MIX23: variants seen among roughly 807,000 people sequenced by gnomAD.
The protein encoded by MIX23 is mitochondrial matrix import factor 23, also known as protein MIX23.
MIX23 carries 13 observed loss-of-function variants against 21.6 expected under a neutral mutation model. The ratio of observed to expected loss-of-function variants is 0.60; its 90% CI spans 0.39 to 0.96. MIX23 has a LOEUF of 0.96. Ranked by LOEUF, MIX23 falls within the 40% of genes least tolerant of loss-of-function variation. The pLI, the probability that MIX23 is intolerant of heterozygous loss-of-function variation, is 0.00. For missense variants in MIX23, 144 were observed against 171.2 expected, an observed-to-expected ratio of 0.84 and a Z score of 0.89; for synonymous variants, 59 against 58.0, an observed-to-expected ratio of 1.02 and a Z score of -0.08.
At chr3:122,363,772 T>C (rs961006049) in intron 3 of MIX23, among the ~76,000 whole-genome samples, 2 of 152,028 alleles carry the variant, frequency 1.3e-5, no homozygotes, top group East Asian at 1.9e-4. Flanking sequence ...TCTAGCTTTC[T>C]TTATAACTGC....
intron 2 of MIX23, among the ~76,000 whole-genome samples, chr3:122,371,136 G>T (rs939532218): frequency 2.6e-5 from 4 of 152,190 alleles, no homozygotes; most frequent in African/African-American, 9.6e-5. Flanking sequence ...CTAAAAAAGA[G>T]AAATAAAGGG....
intron 4 of MIX23, among the ~76,000 whole-genome samples, chr3:122,360,866 G>A (rs1409508989): frequency 5.3e-5 from 8 of 151,984 alleles, no homozygotes; most frequent in Non-Finnish European, 2.9e-5. Context: ...TTTTTGAGAC[G>A]GAGTTTCGCT....
intron 1 of MIX23, among the ~76,000 whole-genome samples, chr3:122,372,338 A>T (rs931329068): frequency 6.6e-6 from 1 of 152,056 alleles, no homozygotes; most frequent in Admixed American, 6.6e-5. Flanking sequence ...CCCACATATG[A>T]TCAGTGTACT....
At chr3:122,379,247 T>C (rs2075511940) in intron 1 of MIX23, among the ~76,000 whole-genome samples, 1 of 152,120 alleles carries the variant, frequency 6.6e-6, no homozygotes, top group South Asian at 2.1e-4. Flanking sequence ...AAGAAGGAGA[T>C]TCGAATTTTA....
intron 1 of MIX23, among the ~76,000 whole-genome samples, chr3:122,373,673 T>A (rs2075460979): frequency 6.6e-6 from 1 of 152,232 alleles, no homozygotes; most frequent in African/African-American, 2.4e-5. Context: ...TTGTTTCCAA[T>A]TATAAACCAT....
At chr3:122,362,450 T>C (rs1376313514) in intron 4 of MIX23, among the ~76,000 whole-genome samples, 4 of 152,206 alleles carry the variant, frequency 2.6e-5, no homozygotes, top group Admixed American at 2.0e-4. Context: ...AGTTCTATCA[T>C]ATGCTTATAA....
At position 122,363,034 on chromosome 3, in the gene MIX23, G is replaced by GA. The variant is rs753109777; in HGVS notation, c.325-8dup. On this transcript the variant is annotated splice_polypyrimidine_tract_variant and splice_region_variant and intron_variant, in intron 3 of 4. Coordinates refer to ENST00000291458, the MANE Select transcript of MIX23 (RefSeq NM_001017928.4). ...CTGACTGCATCCATTTCAACTGCAA[G>GA]AAAAAAAAAAATTGAAGTTATAAAA... The GA allele has an allele frequency of 0.04, 45,719 of 1,143,738 alleles. 3 individuals carry two copies. Among genetic ancestry groups the GA allele is most frequent in the South Asian group, 0.044 (2,435 of 55,906 alleles). The allele number at this position is 1,143,738 out of a possible 1,614,324, so 70.8% of individuals were successfully genotyped here. A position where few individuals can be genotyped will look rare whatever the true frequency, so the allele number is the denominator to read the frequency against.
chr3:122,382,325 C>T (rs2075539628), intron 1 of MIX23, among the ~76,000 whole-genome samples: 1 of 152,108 alleles, frequency 6.6e-6, no homozygotes, highest in Non-Finnish European at 1.5e-5. Context: ...ATTACCCGGG[C>T]GTGGTGACAC....
In MIX23 at chr3:122,378,631, GA is replaced by G. The variant is rs142462275; in HGVS notation, c.51+4542del. On this transcript the variant is annotated intron_variant, in intron 1 of 4. Coordinates refer to ENST00000291458, the MANE Select transcript of MIX23 (RefSeq NM_001017928.4). Reference sequence around the variant, plus strand: ...ATGCTGTGGGCAACTGTAACACAGTGATACTTGTGTATCTAAATATATCTAC... The same window carrying G: ...ATGCTGTGGGCAACTGTAACACAGTGTACTTGTGTATCTAAATATATCTAC... Among the ~76,000 whole-genome samples the G allele has an allele frequency of 2.6e-4, 40 of 152,320 alleles. 1 individual carries two copies. In the East Asian group the frequency reaches 6.5e-3, roughly 25 times the overall value.
intron 1 of MIX23, among the ~76,000 whole-genome samples, chr3:122,382,838 T>C (rs892012800): frequency 1.3e-5 from 2 of 152,242 alleles, no homozygotes; most frequent in African/African-American, 4.8e-5. Context: ...AGGAGAGGAA[T>C]GGCAGAAGCT....
Position 122,368,313 on chromosome 3 carries a change from C to A in MIX23, c.187G>T (p.Ala63Ser). Reference sequence around the variant, plus strand: ...ATGACTCTGTCTCTACTGGCATGAGCTGCCATCAACTAAAAGAACAAAGGA... The same window carrying A: ...ATGACTCTGTCTCTACTGGCATGAGATGCCATCAACTAAAAGAACAAAGGA... ...CKQLYESLMA[A>S]HASRDRVIKN... The change falls in exon 3 of 5, where the codon GCT (alanine) becomes TCT (serine). Residue 63 changes from alanine (A) to serine (S), a missense_variant. Coordinates refer to ENST00000291458, the MANE Select transcript of MIX23 (RefSeq NM_001017928.4). The A allele has an allele frequency of 6.3e-7, 1 of 1,581,296 alleles. No individual in the cohort carries two copies. Among genetic ancestry groups the A allele is most frequent in the Non-Finnish European group, 8.5e-7 (1 of 1,172,266 alleles).
In MIX23 at chr3:122,359,780, C is replaced by T. The variant is rs894554206; in HGVS notation, c.*89G>A. On this transcript the variant is annotated 3_prime_UTR_variant, in exon 5 of 5. Coordinates refer to ENST00000291458, the MANE Select transcript of MIX23 (RefSeq NM_001017928.4). ...GGCTCAGAAATCATCCTAGAAAGCC[C>T]GCCCTGTTGATATCTGTCATGCTTA... is the stretch of plus-strand genomic sequence containing the variant. The T allele has an allele frequency of 4.5e-6, 6 of 1,320,784 alleles. No homozygotes were observed. The highest frequency in any genetic ancestry group is 5.5e-5 in the East Asian group (2 of 36,170). The allele number at this position is 1,320,784 out of a possible 1,614,324, so 81.8% of individuals were successfully genotyped here. A position where few individuals can be genotyped will look rare whatever the true frequency, so the allele number is the denominator to read the frequency against.
chr3:122,375,594 G>A (rs2075479493), intron 1 of MIX23, among the ~76,000 whole-genome samples: 1 of 152,180 alleles, frequency 6.6e-6, no homozygotes, highest in South Asian at 2.1e-4. Context: ...GTTAGTTGTT[G>A]GAGTTGGGGG....
intron 1 of MIX23, among the ~76,000 whole-genome samples, chr3:122,374,540 T>G (rs2075468358): frequency 6.6e-6 from 1 of 152,224 alleles, no homozygotes; most frequent in Non-Finnish European, 1.5e-5. Context: ...CACTGTATTG[T>G]GTAGGGTATG....
chr3:122,368,447 G>GA (rs1426860731), intron 2 of MIX23, 125 bp from the exon 3 acceptor site: 15 of 935,178 alleles, frequency 1.6e-5, no homozygotes, highest in Admixed American at 9.7e-5. Context: ...TCTGACGACT[G>GA]AAACCATGAA....
intron 3 of MIX23, among the ~76,000 whole-genome samples, chr3:122,367,072 T>C (rs571179082): frequency 1.8e-4 from 27 of 151,904 alleles, no homozygotes; most frequent in African/African-American, 6.5e-4. Context: ...AAATGGTTCA[T>C]GAAAAAACTG....
chr3:122,371,786 C>T lies in MIX23; in HGVS notation c.66G>A (p.Val22=). 1 of 1,600,960 alleles carries T rather than the reference C, an allele frequency of 6.2e-7. No individual in the cohort carries two copies. The highest frequency in any genetic ancestry group is 1.7e-5 in the Admixed American group (1 of 59,742). Residue 22 remains valine (V), a synonymous_variant, in exon 2 of 5, where the codon GTG becomes GTA. Transcript: ENST00000291458. The part of the protein sequence containing the change: ...EFAEFQELLK[V]MRTIDDRIVH... The stretch of plus-strand genomic sequence containing the variant: ...CTATTCTGTCATCAATTGTCCTCAT[C>T]ACCTTGAGTAATTCCTATATGTATT...
chr3:122,369,621 A>G (rs2075423891), intron 2 of MIX23, among the ~76,000 whole-genome samples: 1 of 152,228 alleles, frequency 6.6e-6, no homozygotes, highest in Non-Finnish European at 1.5e-5. Context: ...AAACTCAAAC[A>G]CACACACAGG....
intron 1 of MIX23, among the ~76,000 whole-genome samples, chr3:122,374,780 T>C (rs762034252): frequency 2.6e-5 from 4 of 152,020 alleles, no homozygotes; most frequent in Non-Finnish European, 4.4e-5. Context: ...AGATAGAAAT[T>C]AAACAAGTGT....
Sources: gnomAD v4.1 joint callset for allele counts (sites outside exome capture counted in the v4.1 genomes callset) on GRCh38, gnomAD v4.1.1 for gene constraint, MANE v1.5 for transcripts, NCBI Gene and HGNC (gene_info 2026-07-23, HGNC 2026-07-21) for gene names.